The following PAPLN variants were observed in gnomAD, a reference collection of about 807,000 sequenced individuals.
The protein encoded by PAPLN is papilin, proteoglycan like sulfated glycoprotein.
A neutral mutation model predicts 159.0 loss-of-function variants in PAPLN; 146 were observed. The ratio of observed to expected loss-of-function variants is 0.92; its 90% confidence interval spans 0.80 to 1.05. The LOEUF is 1.05. Ranked by LOEUF, PAPLN falls within the 50% of genes least tolerant of loss-of-function variation. The pLI is 0.00. For synonymous variants in PAPLN, 734 were observed against 702.9 expected (o/e 1.04, Z -0.70); for missense variants, 1,720 against 1,743.9 (o/e 0.99, Z 0.24).
rs1379770986 is a variant in PAPLN at position 73,262,650 on chromosome 14, G to C, written c.2546G>C (p.Arg849Thr). The change falls in exon 19 of 27, where the codon AGA becomes ACA. Residue 849 changes from arginine to threonine, a missense_variant. By Grantham distance (71) the Arg-to-Thr change is moderately conservative. Transcript: ENST00000644200. ...CACAGGACAGGGGCCGCGGTGCAGA[G>C]AAAGCCCTGGCCTTCTGGTGGTCTC... ...SQHRTGAAVQ[R>T]KPWPSGGLWR... 6.6e-6 allele frequency: 10 copies of C among 1,505,538 alleles called. No homozygotes were observed. Among genetic ancestry groups the C allele is most frequent in the Non-Finnish European group, 8.9e-6 (10 of 1,123,406 alleles). The allele number at this position is 1,505,538 out of a possible 1,614,324, so 93.3% of individuals were successfully genotyped here.
chr14:73,262,535 C>A lies in PAPLN; in HGVS notation c.2431C>A (p.Pro811Thr). 6.4e-7 allele frequency: 1 copy of A among 1,570,462 alleles called. No individual in the cohort carries two copies. Among genetic ancestry groups the A allele is most frequent in the Non-Finnish European group, 8.6e-7 (1 of 1,157,198 alleles). Residue 811 changes from proline (P) to threonine (T), a missense_variant, in exon 19 of 27, where the codon CCC (proline) becomes ACC (threonine). Pro to Thr is a conservative substitution (Grantham distance 38). Coordinates refer to ENST00000644200, the MANE Select transcript of PAPLN (RefSeq NM_001365906.3). Reference protein sequence around the residue: ...MSSCQGSLHGPRRPQPGASGR... With the variant: ...MSSCQGSLHGTRRPQPGASGR... Reference sequence around the variant, plus strand: ...CAGCTGCCAGGGATCTCTCCATGGGCCCCGTCGTCCCCAGCCTGGGGCTTC... The same window carrying A: ...CAGCTGCCAGGGATCTCTCCATGGGACCCGTCGTCCCCAGCCTGGGGCTTC...
intron 5 of PAPLN, 120 bp from the exon 6 acceptor site, chr14:73,249,864 T>C: frequency 8.4e-7 from 1 of 1,194,298 alleles, no homozygotes; most frequent in South Asian, 1.7e-5. Flanking sequence ...ATCTGTGCTC[T>C]GCGGGGCCTG....
chr14:73,253,235 C>T (rs758781842), intron 11 of PAPLN: 2 of 1,358,220 alleles, frequency 1.5e-6, no homozygotes, highest in African/African-American at 1.5e-5. Flanking sequence ...AGGTAACCTG[C>T]AGGTCACAGG....
intron 6 of PAPLN, 82 bp from the exon 7 acceptor site, chr14:73,250,825 G>T (rs1376648212): frequency 6.7e-6 from 10 of 1,486,178 alleles, no homozygotes; most frequent in Non-Finnish European, 8.0e-6. Context: ...CTGCGTGGGT[G>T]CTGGGGTTAG....
rs755384726 is a variant in PAPLN, at chr14:73,239,805, G to A, written c.27G>A (p.Leu9=). ...TGCGGCTGCTCCTGCTCGTGCCGCT[G>A]CTGCTGGCTCCAGCGCCCGGGTCCT... MRLLLLVP[L]LLAPAPGSSA... is the part of the protein sequence containing the mutation. Residue 9 remains leucine, a synonymous_variant, in exon 2 of 27, where the codon CTG becomes CTA. Transcript: ENST00000644200. 7 of 1,595,240 alleles carry A rather than the reference G, an allele frequency of 4.4e-6. No homozygotes were observed. The South Asian group carries it at 6.7e-5, about 15-fold the overall frequency.
Position 73,260,834 on chromosome 14 carries a change from GTGTC to G in PAPLN, c.2106+8_2106+11del, listed in dbSNP as rs753179422. ...TCAAGGGCAGTGGCTTCTACAGTAA[GTGTC>G]TGGCCTGGGGGAGGGGAGCAGGGGG... On this transcript the variant is annotated splice_donor_region_variant and intron_variant, in intron 17 of 26. Transcript: ENST00000644200. 10 of 1,499,332 alleles carry G rather than the reference GTGTC, an allele frequency of 6.7e-6. No individual in the cohort carries two copies. The highest frequency in any genetic ancestry group is 8.9e-6 in the Non-Finnish European group (10 of 1,127,854). 92.9% of individuals were successfully genotyped at this position (1,499,332 alleles called of 1,614,324 possible).
chr14:73,253,365 T>C, intron 11 of PAPLN: 1 of 787,270 alleles, frequency 1.3e-6, no homozygotes, highest in South Asian at 1.5e-5. Flanking sequence ...TCTGGGTCCT[T>C]GCACCCGGGG....
chr14:73,268,836 G>A (rs1309449320), intron 26 of PAPLN, 113 bp downstream of exon 26: 4 of 1,277,820 alleles, frequency 3.1e-6, no homozygotes, highest in Non-Finnish European at 4.1e-6. Flanking sequence ...GGCTCACCCT[G>A]CCAGTTGCTG....
At chr14:73,260,954 T>G in intron 17 of PAPLN, 125 bp downstream of exon 17, 2 of 1,419,818 alleles carry the variant, frequency 1.4e-6, no homozygotes, top group Non-Finnish European at 1.9e-6. Context: ...TCTGCTGGCC[T>G]GGGTCATCCT....
At chr14:73,244,416 C>T (rs1474391084) in intron 2 of PAPLN, 4 of 478,898 alleles carry the variant, frequency 8.4e-6, no homozygotes, top group South Asian at 7.6e-5. Flanking sequence ...CTGCTCCCGC[C>T]CTCCAGGCCT....
chr14:73,271,776 A>G (rs944035659), intron 26 of PAPLN, among the ~76,000 whole-genome samples: 14 of 152,242 alleles, frequency 9.2e-5, no homozygotes, highest in Non-Finnish European at 1.8e-4. Flanking sequence ...CTGGGATTAC[A>G]GGCATGAGCC....
upstream of PAPLN, among the ~76,000 whole-genome samples, chr14:73,236,276 T>C (rs1883030579): frequency 6.6e-6 from 1 of 152,236 alleles, no homozygotes; most frequent in South Asian, 2.1e-4. Context: ...ATTAGTGCCC[T>C]GGCACAGGTG....
chr14:73,247,796 C>CTGTGTGTGTGTG (rs769079646), intron 5 of PAPLN, among the ~76,000 whole-genome samples: 1 of 60,624 alleles, frequency 1.6e-5, no homozygotes, highest in Non-Finnish European at 2.9e-5. Context: ...GTCTCTTATC[C>CTGTGTGTGTGTG]CGTGTGTGTG....
chr14:73,240,770 A>G (rs995091265), intron 2 of PAPLN, among the ~76,000 whole-genome samples: 8 of 152,190 alleles, frequency 5.3e-5, no homozygotes, highest in Non-Finnish European at 1.2e-4. Context: ...TTGAGGATGT[A>G]CAAGGAATCT....
chr14:73,261,063 C>A (rs1886520647), intron 17 of PAPLN, 93 bp from the exon 18 acceptor site: 1 of 1,598,332 alleles, frequency 6.3e-7, no homozygotes, highest in Non-Finnish European at 8.6e-7. Context: ...GGGTTCTGGC[C>A]CCTCCTTCCT....
intron 14 of PAPLN, among the ~76,000 whole-genome samples, chr14:73,257,676 C>A (rs1178367043): frequency 6.6e-6 from 1 of 151,082 alleles, no homozygotes; most frequent in Non-Finnish European, 1.5e-5. Flanking sequence ...GCATAGTGAG[C>A]AGCCATGTAC....
Position 73,240,623 on chromosome 14 carries a change from A to C in PAPLN, c.54+791A>C, listed in dbSNP as rs1407213496. Among the ~76,000 whole-genome samples, 11 of 152,196 alleles carry C rather than the reference A, an allele frequency of 7.2e-5. No homozygotes were observed. In the East Asian group the frequency reaches 1.8e-3, roughly 24 times the overall value. ...ACGCCTGGCCATAATTAATTTAAACAGCCGCATGCGGCTAGTGGCTACTGT... is the reference window on the plus strand; with the variant it reads ...ACGCCTGGCCATAATTAATTTAAACCGCCGCATGCGGCTAGTGGCTACTGT... On this transcript the variant is annotated intron_variant, in intron 2 of 26. Transcript: ENST00000644200.
At chr14:73,247,671 T>TGTGTGTGTGTGCGC (rs1884592695) in intron 5 of PAPLN, among the ~76,000 whole-genome samples, 1 of 149,158 alleles carries the variant, frequency 6.7e-6, no homozygotes, top group Non-Finnish European at 1.5e-5. Context: ...TGCGTGTGTG[T>TGTGTGTGTGTGCGC]GTGTGTGTGT....
chr14:73,244,824 T>C, intron 3 of PAPLN, 65 bp downstream of exon 3: 2 of 1,347,074 alleles, frequency 1.5e-6, no homozygotes, highest in Non-Finnish European at 2.0e-6. Context: ...TTCTGGGTGG[T>C]GGGCTAGGTG....
Sources: allele counts gnomAD v4.1 joint callset (sites outside exome capture counted in the v4.1 genomes callset), GRCh38; gene constraint gnomAD v4.1.1; transcripts MANE v1.5; gene names NCBI Gene and HGNC (gene_info 2026-07-23, HGNC 2026-07-21).